MAF: variants seen among roughly 807,000 people sequenced by gnomAD.
The protein encoded by MAF is MAF bZIP transcription factor, also known as transcription factor Maf.
A neutral mutation model predicts 22.0 loss-of-function variants in MAF; 10 were observed. The ratio of observed to expected loss-of-function variants is 0.45; its 90% CI spans 0.28 to 0.77. The LOEUF is 0.77. Ranked by LOEUF, MAF falls within the 30% of genes least tolerant of loss-of-function variation. The pLI is 0.12. For missense variants in MAF, 544 were observed against 548.4 expected (o/e 0.99, Z 0.08); for synonymous variants, 337 against 255.8 (o/e 1.32, Z -3.03).
At chr16:79,308,580 G>C in the MAF span, among the ~76,000 whole-genome samples, 1 of 152,284 alleles carries the variant, frequency 6.6e-6, no homozygotes, top group East Asian at 1.9e-4. Flanking sequence ...ATTCTGTGTA[G>C]GAATTTTCTG....
chr16:79,259,654 A>G, the MAF span, among the ~76,000 whole-genome samples: 1 of 152,200 alleles, frequency 6.6e-6, no homozygotes, highest in South Asian at 2.1e-4. Flanking sequence ...GGTTGCATAT[A>G]AAAATTTGCT....
At chr16:79,439,257 CTTTTTTTTTTT>C in the MAF span, among the ~76,000 whole-genome samples, 2 of 130,804 alleles carry the variant, frequency 1.5e-5, no homozygotes, top group Admixed American at 7.9e-5. Context: ...TAGGTACTTA[CTTTTTTTTTTT>C]TTTTTTTTTT....
At chr16:79,239,846 C>A in the MAF span, among the ~76,000 whole-genome samples, 1 of 151,860 alleles carries the variant, frequency 6.6e-6, no homozygotes, top group South Asian at 2.1e-4. Context: ...AGGGGTAAGG[C>A]GCTGGGAATG....
At chr16:79,352,206 A>C in the MAF span, among the ~76,000 whole-genome samples, 1,407 of 152,318 alleles carry the variant, frequency 9.2e-3, 17 homozygotes, top group African/African-American at 0.032. Context: ...TTTCAGCTTC[A>C]GGAGGGTTTA....
the MAF span, among the ~76,000 whole-genome samples, chr16:79,570,590 G>C: frequency 1.3e-5 from 2 of 152,274 alleles, no homozygotes; most frequent in African/African-American, 4.8e-5. Context: ...GTTCATCTGG[G>C]AAGCTCACGC....
At chr16:79,538,490 G>T in the MAF span, among the ~76,000 whole-genome samples, 3 of 152,240 alleles carry the variant, frequency 2.0e-5, no homozygotes, top group East Asian at 3.9e-4. Context: ...TGATGCTTAT[G>T]GAATCTTTTC....
At chr16:79,322,872 C>T in the MAF span, among the ~76,000 whole-genome samples, 9 of 151,832 alleles carry the variant, frequency 5.9e-5, no homozygotes, top group Admixed American at 2.0e-4. Flanking sequence ...CAATTGGGGC[C>T]GGGTGCAGTG....
At chr16:79,482,455 C>T in the MAF span, among the ~76,000 whole-genome samples, 1 of 152,148 alleles carries the variant, frequency 6.6e-6, no homozygotes, top group Non-Finnish European at 1.5e-5. Flanking sequence ...GAGCTGGCTG[C>T]TGGATGCCAA....
At chr16:79,490,126 A>T in the MAF span, among the ~76,000 whole-genome samples, 1 of 152,310 alleles carries the variant, frequency 6.6e-6, no homozygotes, top group East Asian at 1.9e-4. Context: ...TCAAAAGCAG[A>T]TAGAGTGAAA....
the MAF span, among the ~76,000 whole-genome samples, chr16:79,550,784 A>G: frequency 6.6e-6 from 1 of 152,072 alleles, no homozygotes; most frequent in Non-Finnish European, 1.5e-5. Context: ...TCAGGCACAC[A>G]TAAAAGATTT....
the MAF span, among the ~76,000 whole-genome samples, chr16:79,228,388 G>A: frequency 6.6e-6 from 1 of 151,986 alleles, no homozygotes; most frequent in African/African-American, 2.4e-5. Flanking sequence ...AATATCACAT[G>A]TGCTTCATTC....
the MAF span, among the ~76,000 whole-genome samples, chr16:79,468,707 G>A: frequency 2.0e-5 from 3 of 152,160 alleles, no homozygotes; most frequent in African/African-American, 4.8e-5. Context: ...CCCATGCCTG[G>A]GAAGTTTCAA....
the MAF span, among the ~76,000 whole-genome samples, chr16:79,515,696 T>C: frequency 1.3e-5 from 2 of 152,176 alleles, no homozygotes; most frequent in Admixed American, 1.3e-4. Context: ...GGGCCGTGCT[T>C]CCTGCCCTTG....
At chr16:79,537,960 A>C in the MAF span, among the ~76,000 whole-genome samples, 4 of 152,204 alleles carry the variant, frequency 2.6e-5, no homozygotes, top group African/African-American at 9.7e-5. Context: ...CTGAATCTCA[A>C]GTGGATAAAA....
the MAF span, among the ~76,000 whole-genome samples, chr16:79,536,105 A>G: frequency 6.6e-6 from 1 of 152,322 alleles, no homozygotes; most frequent in East Asian, 1.9e-4. Context: ...TAGCTATGAG[A>G]CTTCATGATC....
At chr16:79,211,377 C>G in the MAF span, among the ~76,000 whole-genome samples, 565 of 152,266 alleles carry the variant, frequency 3.7e-3, 4 homozygotes, top group Non-Finnish European at 4.9e-3. Context: ...TATGAGGTGT[C>G]AAAAGTTACA....
the MAF span, among the ~76,000 whole-genome samples, chr16:79,316,490 C>T: frequency 2.0e-5 from 3 of 152,164 alleles, no homozygotes; most frequent in South Asian, 2.1e-4. Flanking sequence ...CTCTGAGCCT[C>T]GGTTTTCTCT....
At chr16:79,589,295 C>G (rs1000283054), downstream of MAF, among the ~76,000 whole-genome samples, 2 of 152,260 alleles carry the variant, frequency 1.3e-5, no homozygotes, top group African/African-American at 4.8e-5. Flanking sequence ...AGGCAGGACC[C>G]TCATCCTGGC....
chr16:79,547,858 C>T, the MAF span, among the ~76,000 whole-genome samples: 23 of 151,254 alleles, frequency 1.5e-4, no homozygotes, highest in Admixed American at 9.9e-4. Context: ...CGTCTGCAAA[C>T]TATCTCCTTG....
Sources: gnomAD v4.1 joint callset for allele counts (sites outside exome capture counted in the v4.1 genomes callset) on GRCh38, gnomAD v4.1.1 for gene constraint, MANE v1.5 for transcripts, NCBI Gene and HGNC (gene_info 2026-07-23, HGNC 2026-07-21) for gene names.